The following PDE1A variants were observed in gnomAD, a reference collection of about 807,000 sequenced individuals.
PDE1A encodes phosphodiesterase 1A, also known as dual specificity calcium/calmodulin-dependent 3',5'-cyclic nucleotide phosphodiesterase 1A.
In PDE1A, 35 loss-of-function variants were observed where a neutral mutation model predicts 61.7. That is an observed-to-expected ratio of 0.57 (90% CI 0.43 to 0.75). The LOEUF (loss-of-function observed/expected upper bound fraction) is 0.75. PDE1A is among the 30% of genes least tolerant of loss of function. The pLI is 0.00. For synonymous variants in PDE1A, 232 were observed against 213.2 expected, an observed-to-expected ratio of 1.09 and a Z score of -0.77; for missense variants, 597 against 630.6, an observed-to-expected ratio of 0.95 and a Z score of 0.57.
chr2:182,238,837 A>T (rs1484299574), intron 3 of PDE1A, among the ~76,000 whole-genome samples: 1 of 152,152 alleles, frequency 6.6e-6, no homozygotes, highest in Non-Finnish European at 1.5e-5. Flanking sequence ...ATATATTATA[A>T]CCTTCTCTTG....
At chr2:182,218,648 G>A (rs750050134) in intron 7 of PDE1A, among the ~76,000 whole-genome samples, 2 of 151,970 alleles carry the variant, frequency 1.3e-5, no homozygotes, top group Admixed American at 1.3e-4. Flanking sequence ...TCTATTCCTA[G>A]TTGGAGTTTA....
intron 2 of PDE1A, among the ~76,000 whole-genome samples, chr2:182,468,810 G>A (rs1223539764): frequency 6.6e-6 from 1 of 152,024 alleles, no homozygotes; most frequent in African/African-American, 2.4e-5. Context: ...AATGGATGTT[G>A]TATGAGCAGG....
chr2:182,410,997 T>C (rs186829505), intron 1 of PDE1A, among the ~76,000 whole-genome samples: 15 of 152,358 alleles, frequency 9.8e-5, no homozygotes, highest in African/African-American at 2.2e-4. Flanking sequence ...CCTAACTTTT[T>C]ACTAAGGTGT....
At chr2:182,681,642 A>C in the PDE1A span, among the ~76,000 whole-genome samples, 799 of 150,510 alleles carry the variant, frequency 5.3e-3, 6 homozygotes, top group African/African-American at 0.019. Context: ...CTTTGTATAT[A>C]GATTACTCTT....
intron 1 of PDE1A, among the ~76,000 whole-genome samples, chr2:182,391,137 G>T (rs1701396251): frequency 6.6e-6 from 1 of 152,146 alleles, no homozygotes; most frequent in Admixed American, 6.5e-5. Flanking sequence ...TTAAGGGTGT[G>T]AGATAATGGT....
At position 182,318,604 on chromosome 2, in the gene PDE1A, C is replaced by A. The variant is rs376472417; in HGVS notation, c.54-54190G>T. Among the ~76,000 whole-genome samples the A allele has an allele frequency of 3.3e-5, 5 of 152,156 alleles. No individual in the cohort carries two copies. The East Asian group carries it at 5.8e-4, about 18-fold the overall frequency. ...GTTTCACACTCTCCCTGGAGCTCTT[C>A]ATCTTGAGGCCCATATGACAATCAT... On this transcript the variant is annotated intron_variant, in intron 1 of 13. Coordinates refer to ENST00000351439, the Ensembl canonical transcript of PDE1A.
chr2:182,533,312 G>GA, the PDE1A span, among the ~76,000 whole-genome samples: 2 of 152,078 alleles, frequency 1.3e-5, no homozygotes, highest in East Asian at 1.9e-4. Flanking sequence ...CCCTGTCTCA[G>GA]AAAAAAGCAA....
intron 2 of PDE1A, among the ~76,000 whole-genome samples, chr2:182,478,604 T>C (rs367625850): frequency 1.3e-5 from 2 of 152,020 alleles, no homozygotes; most frequent in African/African-American, 2.4e-5. Context: ...CAGGTTTTAA[T>C]TGGAAAAATC....
the PDE1A span, among the ~76,000 whole-genome samples, chr2:182,610,594 T>G: frequency 1.3e-5 from 2 of 152,152 alleles, no homozygotes; most frequent in Admixed American, 6.5e-5. Flanking sequence ...TTAAAACTGC[T>G]TTAAAATAGT....
the PDE1A span, among the ~76,000 whole-genome samples, chr2:182,654,739 T>C: frequency 1.3e-5 from 2 of 152,206 alleles, no homozygotes; most frequent in Non-Finnish European, 2.9e-5. Context: ...TCTGGCTCTG[T>C]GAACTAGCTC....
chr2:182,330,225 T>C (rs1697314644), intron 1 of PDE1A, among the ~76,000 whole-genome samples: 1 of 151,910 alleles, frequency 6.6e-6, no homozygotes, highest in Non-Finnish European at 1.5e-5. Context: ...GAGCCTGTAA[T>C]CCCAGCTACT....
At chr2:182,304,031 GCTGGGACTA>G (rs879713255) in intron 1 of PDE1A, among the ~76,000 whole-genome samples, 4,229 of 152,194 alleles carry the variant, frequency 0.028, 102 homozygotes, top group South Asian at 0.11. Flanking sequence ...CTCCCGAGTA[GCTGGGACTA>G]CAGGTGTGTG....
intron 1 of PDE1A, among the ~76,000 whole-genome samples, chr2:182,335,460 C>T (rs1697736919): frequency 6.6e-6 from 1 of 152,132 alleles, no homozygotes; most frequent in Non-Finnish European, 1.5e-5. Flanking sequence ...AGAAATAACG[C>T]CAACACATCT....
chr2:182,712,025 C>A, the PDE1A span, among the ~76,000 whole-genome samples: 1 of 152,172 alleles, frequency 6.6e-6, no homozygotes, highest in Non-Finnish European at 1.5e-5. Flanking sequence ...AAACTACCAA[C>A]AATGAGACGA....
At chr2:182,493,545 T>C (rs1688527576) in intron 2 of PDE1A, among the ~76,000 whole-genome samples, 1 of 152,072 alleles carries the variant, frequency 6.6e-6, no homozygotes, top group African/African-American at 2.4e-5. Flanking sequence ...GAACTAGAAA[T>C]ACCATTTGAC....
the PDE1A span, among the ~76,000 whole-genome samples, chr2:182,613,420 G>A: frequency 0.4 from 60,892 of 151,784 alleles, 13,653 homozygotes; most frequent in East Asian, 0.58. Context: ...AAAATTAGCC[G>A]GGCATGGTGA....
chr2:182,490,965 CA>C (rs964433101), intron 2 of PDE1A, among the ~76,000 whole-genome samples: 2 of 152,070 alleles, frequency 1.3e-5, no homozygotes, highest in East Asian at 1.9e-4. Flanking sequence ...AAGTAGGAAG[CA>C]GGGGGGAAGG....
rs147914225 is a variant in PDE1A, at chr2:182,446,967, A to C, written c.101+75309T>G. Among the ~76,000 whole-genome samples the C allele has an allele frequency of 9.4e-3, 1,435 of 152,122 alleles. 19 individuals carry two copies. Among genetic ancestry groups the C allele is most frequent in the African/African-American group, 0.033 (1,350 of 41,524 alleles). On this transcript the variant is annotated intron_variant, in intron 2 of 14. Transcript: ENST00000410103. ...ATATATATATATATAGACCACATAG[A>C]CAAATGCCTGATACATAGTAAACCT...
chr2:182,175,292 TC>T (rs1312309432), intron 13 of PDE1A, among the ~76,000 whole-genome samples: 1 of 152,186 alleles, frequency 6.6e-6, no homozygotes, highest in Non-Finnish European at 1.5e-5. Context: ...TAATTTACCC[TC>T]CCACCAACAG....
Sources: gnomAD v4.1 joint callset for allele counts (sites outside exome capture counted in the v4.1 genomes callset) on GRCh38, gnomAD v4.1.1 for gene constraint, MANE v1.5 for transcripts, NCBI Gene and HGNC (gene_info 2026-07-23, HGNC 2026-07-21) for gene names.